The following CABLES2 variants were observed in gnomAD, a reference collection of about 807,000 sequenced individuals.
The protein encoded by CABLES2 is CDK5 and ABL1 enzyme substrate 2.
Under a neutral mutation model 44.8 loss-of-function variants are expected in CABLES2, and 35 were observed. That is an observed-to-expected ratio of 0.78 (90% CI 0.60 to 1.04). The LOEUF (loss-of-function observed/expected upper bound fraction) is 1.04. Ranked by LOEUF, CABLES2 falls within the 50% of genes least tolerant of loss-of-function variation. CABLES2 has a pLI of 0.00. For synonymous variants in CABLES2, 282 were observed against 281.1 expected, an observed-to-expected ratio of 1.00 and a Z score of -0.03; for missense variants, 566 against 615.7, an observed-to-expected ratio of 0.92 and a Z score of 0.85.
In CABLES2 at chr20:62,390,716, A is replaced by C. The variant is rs1009561119; in HGVS notation, c.*255T>G. On this transcript the variant is annotated 3_prime_UTR_variant, in exon 10 of 10. Transcript: ENST00000279101. ...GAAAAAAATACCAGTAACAAACCTCACATTTAGTTTATGTAAAAATGCAGG... is the reference window on the plus strand; with the variant it reads ...GAAAAAAATACCAGTAACAAACCTCCCATTTAGTTTATGTAAAAATGCAGG... 1.9e-5 allele frequency: 10 copies of C among 520,644 alleles called. No homozygotes were observed. In the Middle Eastern group the frequency reaches 2.6e-3, roughly 134 times the overall value. The allele number at this position is 520,644 out of a possible 1,614,324, so 32.3% of individuals were successfully genotyped here. A position where few individuals can be genotyped will look rare whatever the true frequency, so the allele number is the denominator to read the frequency against.
intron 1 of CABLES2, chr20:62,405,460 G>C (rs1428985442): frequency 6.8e-6 from 1 of 147,492 alleles, no homozygotes; most frequent in African/African-American, 2.7e-5. Flanking sequence ...GCATGTCCGT[G>C]GGGGGACATC....
chr20:62,406,982 C>T lies in CABLES2; in HGVS notation c.295G>A (p.Ala99Thr). 8.3e-7 allele frequency: 1 copy of T among 1,203,928 alleles called. No homozygotes were observed. Among genetic ancestry groups the T allele is most frequent in the Non-Finnish European group, 1.0e-6 (1 of 969,934 alleles). 74.6% of individuals were successfully genotyped at this position (1,203,928 alleles called of 1,614,324 possible). ...GTGGGGCTGAGCAGGCCCTGGGGCG[C>T]GGGGGTCCTGGCGGGCAGCCCGGTG... Reference protein sequence around the residue: ...PPTGLPARTPAPQGLLSPTQV... With the variant: ...PPTGLPARTPTPQGLLSPTQV... Residue 99 changes from alanine to threonine, a missense_variant, in exon 1 of 10, where the codon GCG becomes ACG. Physicochemically the swap from Ala to Thr is moderately conservative, Grantham distance 58. Around this residue, in one of 2 missense-constraint regions of CABLES2, gnomAD observed 436 missense variants for 536.3 expected, o/e 0.81. Transcript: ENST00000279101.
chr20:62,405,713 G>A (rs1444602576), intron 1 of CABLES2: 1 of 152,308 alleles, frequency 6.6e-6, no homozygotes, highest in Admixed American at 6.5e-5. Flanking sequence ...AGGTAAGCAA[G>A]GAGCACGTGC....
At chr20:62,398,240 A>ATGATGGTGATGGTGGTGG (rs1644768331) in intron 1 of CABLES2, among the ~76,000 whole-genome samples, 7 of 61,810 alleles carry the variant, frequency 1.1e-4, no homozygotes, top group African/African-American at 1.4e-4. Flanking sequence ...GACGGTGGTG[A>ATGATGGTGATGGTGGTGG]TGATGGTGAT....
intron 1 of CABLES2, chr20:62,403,165 C>T (rs1191140880): frequency 6.6e-6 from 1 of 152,260 alleles, no homozygotes. Flanking sequence ...GGGGATGCCA[C>T]TCTCACCTCA....
In CABLES2 at chr20:62,406,998, C is replaced by A; in HGVS notation, c.279G>T (p.Leu93=). ...APPPPEPPTG[L]PARTPAPQGL... ...CCTGGGGCGCGGGGGTCCTGGCGGG[C>A]AGCCCGGTGGGGGGCTCCGGCGGCG... The change falls in exon 1 of 10, where the codon CTG becomes CTT. Residue 93 remains leucine, a synonymous_variant. Coordinates refer to ENST00000279101, the MANE Select transcript of CABLES2 (RefSeq NM_031215.3). 1 of 1,191,448 alleles carries A rather than the reference C, an allele frequency of 8.4e-7. No homozygotes were observed. The highest frequency in any genetic ancestry group is 4.2e-5 in the South Asian group (1 of 23,962). 73.8% of individuals were successfully genotyped at this position (1,191,448 alleles called of 1,614,324 possible). A position where few individuals can be genotyped will look rare whatever the true frequency, so the allele number is the denominator to read the frequency against.
At chr20:62,405,660 C>T (rs1988269078) in intron 1 of CABLES2, 1 of 152,362 alleles carries the variant, frequency 6.6e-6, no homozygotes, top group African/African-American at 2.4e-5. Flanking sequence ...AATGCCTCCA[C>T]CTGCCCGAAG....
intron 1 of CABLES2, among the ~76,000 whole-genome samples, chr20:62,398,249 ATGG>A (rs566172995): frequency 0.015 from 889 of 59,802 alleles, 17 homozygotes; most frequent in African/African-American, 0.055. Flanking sequence ...GATGATGGTG[ATGG>A]TGGTGGTGAT....
chr20:62,398,389 C>T (rs1446036942), intron 1 of CABLES2, among the ~76,000 whole-genome samples: 1 of 140,520 alleles, frequency 7.1e-6, no homozygotes, highest in Non-Finnish European at 1.6e-5. Context: ...TGATGGGGCC[C>T]TCTGCAGGGT....
At chr20:62,398,091 G>GTGGTAA (rs1569017568) in intron 1 of CABLES2, among the ~76,000 whole-genome samples, 24 of 132,124 alleles carry the variant, frequency 1.8e-4, no homozygotes, top group African/African-American at 6.1e-4. Flanking sequence ...GGTGGTGACG[G>GTGGTAA]TGGTGGTGGT....
intron 1 of CABLES2, among the ~76,000 whole-genome samples, chr20:62,398,047 T>TA (rs1601475807): frequency 6.9e-6 from 1 of 145,326 alleles, no homozygotes; most frequent in Non-Finnish European, 1.5e-5. Flanking sequence ...ATGGTGATGG[T>TA]GGTGATGGCG....
Position 62,398,079 on chromosome 20 carries a change from GT to G in CABLES2, c.363-1488del, listed in dbSNP as rs1988082945. ...GGCGATGGTGGTGGTGACGGTGGTGGTGGTGGTGACGGTGGTGGTGGTGGTG... is the reference window on the plus strand; with the variant it reads ...GGCGATGGTGGTGGTGACGGTGGTGGGGTGGTGACGGTGGTGGTGGTGGTG... On this transcript the variant is annotated intron_variant, in intron 1 of 9. Transcript: ENST00000279101. 1.5e-5 allele frequency among the ~76,000 whole-genome samples: 2 copies of G among 136,684 alleles called. 1 individual carries two copies. The highest frequency in any genetic ancestry group is 5.7e-5 in the African/African-American group (2 of 34,918). 89.7% of individuals were successfully genotyped at this position (136,684 alleles called of 152,430 possible). A position where few individuals can be genotyped will look rare whatever the true frequency, so the allele number is the denominator to read the frequency against.
chr20:62,392,224 T>G (rs1012971019), intron 8 of CABLES2, among the ~76,000 whole-genome samples, 165 bp downstream of exon 8: 3 of 37,724 alleles, frequency 8.0e-5, no homozygotes, highest in Non-Finnish European at 1.1e-4. Context: ...TGGCGGGCGG[T>G]GGAGGTGGGG....
chr20:62,399,848 C>T (rs1010732556), intron 1 of CABLES2, among the ~76,000 whole-genome samples: 1 of 152,220 alleles, frequency 6.6e-6, no homozygotes, highest in South Asian at 2.1e-4. Context: ...CTGGCCTCGG[C>T]CTCCCAAAGT....
At chr20:62,403,313 CCT>C (rs1201077673) in intron 1 of CABLES2, 2 of 152,312 alleles carry the variant, frequency 1.3e-5, no homozygotes, top group South Asian at 2.1e-4. Context: ...TGTGTCGCCC[CCT>C]GAGGGTCTTA....
chr20:62,395,414 G>A (rs1408340727), intron 3 of CABLES2, among the ~76,000 whole-genome samples: 2 of 151,994 alleles, frequency 1.3e-5, no homozygotes, highest in African/African-American at 4.8e-5. Context: ...GGGCTGCCTC[G>A]AGCCAGACCT....
At chr20:62,392,527 C>T in intron 7 of CABLES2, 32 bp from the exon 8 acceptor site, 1 of 1,512,786 alleles carries the variant, frequency 6.6e-7, no homozygotes, top group Non-Finnish European at 9.2e-7. Flanking sequence ...GTTGGGCCGG[C>T]CCCTCGCACA....
rs1259412694 is a variant in CABLES2, at chr20:62,396,323, C to G, written c.519G>C (p.Arg173Ser). ...FIKNMRQYDT[R>S]NSRIVLICAK... ...CCGGCTCCGCTTCATACCTGCTGTT[C>G]CTGGTGTCGTACTGCCTCATGTTCT... Residue 173 changes from arginine to serine, a missense_variant, in exon 3 of 10, where the codon AGG becomes AGC. By Grantham distance (110) the Arg-to-Ser change is moderately radical. Around this residue, in one of 2 missense-constraint regions of CABLES2, gnomAD observed 436 missense variants for 536.3 expected, o/e 0.81. Coordinates refer to ENST00000279101, the MANE Select transcript of CABLES2 (RefSeq NM_031215.3). This position sits in a 1 kb window ranked among gnomAD's most constrained non-coding sequence, Gnocchi z 5.7. The G allele has an allele frequency of 1.2e-6, 2 of 1,613,782 alleles. No homozygotes were observed. Among genetic ancestry groups the G allele is most frequent in the Middle Eastern group, 1.6e-4 (1 of 6,062 alleles).
chr20:62,406,546 G>A (rs1988289226), intron 1 of CABLES2, among the ~76,000 whole-genome samples: 1 of 120,652 alleles, frequency 8.3e-6, no homozygotes, highest in Non-Finnish European at 1.8e-5. Flanking sequence ...GGGGTGACAG[G>A]GCCTGAGGAA....
Sources: allele counts gnomAD v4.1 joint callset (sites outside exome capture counted in the v4.1 genomes callset), GRCh38; gene constraint gnomAD v4.1.1; regional missense constraint gnomAD v4.1.1; non-coding constraint Gnocchi (gnomAD v3.1); transcripts MANE v1.5; gene names NCBI Gene and HGNC (gene_info 2026-07-23, HGNC 2026-07-21).